ANKRD31: variants seen among roughly 807,000 people sequenced by gnomAD.
The protein encoded by ANKRD31 is ankyrin repeat domain-containing protein 31.
Under a neutral mutation model 186.0 loss-of-function variants are expected in ANKRD31, and 147 were observed. The observed-to-expected ratio is 0.79, with a 90% CI of 0.69 to 0.91. ANKRD31 has a LOEUF of 0.91. Ranked by LOEUF, ANKRD31 falls within the 40% of genes least tolerant of loss-of-function variation. The pLI is 0.00. For missense variants in ANKRD31, 1,986 were observed against 2,148.8 expected, an observed-to-expected ratio of 0.92 and a Z score of 1.50; for synonymous variants, 673 against 736.4, an observed-to-expected ratio of 0.91 and a Z score of 1.39.
chr5:75,110,477 C>T (rs945540257), intron 20 of ANKRD31, among the ~76,000 whole-genome samples: 4 of 151,690 alleles, frequency 2.6e-5, no homozygotes, highest in East Asian at 1.9e-4. Flanking sequence ...TTTGGGAGGT[C>T]GAGGTGGGCC....
rs147474044 is a variant in ANKRD31 at position 75,150,629 on chromosome 5, C to T, written c.1853-2001G>A. Among the ~76,000 whole-genome samples, 207 of 152,012 alleles carry T rather than the reference C, an allele frequency of 1.4e-3. 4 individuals carry two copies. The East Asian group carries it at 0.02, about 14-fold the overall frequency. ...TGGAGAAATGTTTGGGATTCCTTTA[C>T]ATGAAAGAAATTTCATTGGGTAGGA... On this transcript the variant is annotated intron_variant, in intron 12 of 25. Transcript: ENST00000506364.
rs370130482 is a variant in ANKRD31, at chr5:75,097,073, G to T, written c.5332-5672C>A. Reference sequence around the variant, plus strand: ...CCAGTCTATCATTGATGGACATTTGGGTTAGTTCCAAGTCTTTGCTATTGT... The same window carrying T: ...CCAGTCTATCATTGATGGACATTTGTGTTAGTTCCAAGTCTTTGCTATTGT... On this transcript the variant is annotated intron_variant, in intron 22 of 25. Transcript: ENST00000506364. Among the ~76,000 whole-genome samples, 11 of 152,164 alleles carry T rather than the reference G, an allele frequency of 7.2e-5. No homozygotes were observed. The East Asian group carries it at 2.1e-3, about 29-fold the overall frequency.
At chr5:75,197,626 A>ATATTTCTT (rs1308238401) in intron 6 of ANKRD31, among the ~76,000 whole-genome samples, 3 of 152,212 alleles carry the variant, frequency 2.0e-5, no homozygotes, top group African/African-American at 7.2e-5. Context: ...CAAGAAATTC[A>ATATTTCTT]AGAACCAGAT....
chr5:75,199,519 G>C, intron 6 of ANKRD31, 112 bp downstream of exon 6: 1 of 662,058 alleles, frequency 1.5e-6, no homozygotes, highest in Non-Finnish European at 2.3e-6. Context: ...TACCGAAATG[G>C]TTTAGTAGAT....
intron 2 of ANKRD31, among the ~76,000 whole-genome samples, chr5:75,227,642 A>G (rs1037221466): frequency 3.9e-5 from 6 of 152,190 alleles, no homozygotes; most frequent in African/African-American, 1.4e-4. Flanking sequence ...TCTCAACTAG[A>G]AAACAATTTC....
chr5:75,200,073 G>T (rs985297883), intron 5 of ANKRD31, among the ~76,000 whole-genome samples: 2 of 152,014 alleles, frequency 1.3e-5, no homozygotes, highest in Non-Finnish European at 2.9e-5. Flanking sequence ...TCTGGAGTTA[G>T]GCATGAAAAG....
chr5:75,123,806 T>C (rs35428074), intron 17 of ANKRD31, among the ~76,000 whole-genome samples: 6,255 of 152,112 alleles, frequency 0.041, 228 homozygotes, highest in Non-Finnish European at 0.061. Flanking sequence ...AGACTTAAAT[T>C]TGTGATCTGA....
At chr5:75,233,360 A>G (rs1466598286) in intron 1 of ANKRD31, among the ~76,000 whole-genome samples, 2 of 151,806 alleles carry the variant, frequency 1.3e-5, no homozygotes, top group Admixed American at 1.3e-4. Context: ...ACCATGCCCA[A>G]CCAGGTTTTG....
At chr5:75,208,706 C>T (rs980677197) in intron 4 of ANKRD31, among the ~76,000 whole-genome samples, 3 of 152,190 alleles carry the variant, frequency 2.0e-5, no homozygotes, top group African/African-American at 7.2e-5. Flanking sequence ...CTAAGACAAC[C>T]TTTGTTCAGA....
At position 75,068,598 on chromosome 5, in the gene ANKRD31, C is replaced by T. The variant is rs746219814; in HGVS notation, c.5714G>A (p.Ser1905Asn). The T allele has an allele frequency of 1.4e-4, 213 of 1,525,060 alleles. No homozygotes were observed. Among genetic ancestry groups the T allele is most frequent in the Non-Finnish European group, 1.8e-4 (204 of 1,141,844 alleles). 94.5% of individuals were successfully genotyped at this position (1,525,060 alleles called of 1,614,324 possible). A position where few individuals can be genotyped will look rare whatever the true frequency, so the allele number is the denominator to read the frequency against. Reference protein sequence around the residue: ...YLQINEILLISDQEFLPCHIM... With the variant: ...YLQINEILLINDQEFLPCHIM... ...GTGGCATGGGAGAAATTCTTGATCA[C>T]TGATTAATAGTATTTCATTTATTTG... Residue 1905 changes from serine to asparagine, a missense_variant, in exon 26 of 26, where the codon AGT becomes AAT. Physicochemically the swap from Ser to Asn is conservative, Grantham distance 46. Coordinates refer to ENST00000506364, the MANE Select transcript of ANKRD31 (RefSeq NM_001372053.1).
chr5:75,078,694 A>C (rs1744850761), intron 25 of ANKRD31, among the ~76,000 whole-genome samples: 1 of 152,234 alleles, frequency 6.6e-6, no homozygotes, highest in African/African-American at 2.4e-5. Context: ...TCTTAACAGA[A>C]TTAAAAAAGA....
intron 5 of ANKRD31, among the ~76,000 whole-genome samples, chr5:75,205,894 C>T (rs912260796): frequency 6.6e-6 from 1 of 151,990 alleles, no homozygotes; most frequent in African/African-American, 2.4e-5. Context: ...GCCTGTGTGA[C>T]TGCCAGTCAA....
At chr5:75,122,909 A>C (rs1209059628) in intron 17 of ANKRD31, among the ~76,000 whole-genome samples, 1 of 152,160 alleles carries the variant, frequency 6.6e-6, no homozygotes, top group Non-Finnish European at 1.5e-5. Flanking sequence ...ACTCCTGTTC[A>C]ACTTAGTACT....
At chr5:75,132,253 G>T (rs1396749999) in intron 17 of ANKRD31, among the ~76,000 whole-genome samples, 6 of 152,126 alleles carry the variant, frequency 3.9e-5, no homozygotes, top group African/African-American at 1.4e-4. Flanking sequence ...TCATCGCAAA[G>T]AACCTAAAAA....
Position 75,211,621 on chromosome 5 carries a change from G to T in ANKRD31, c.289-756C>A, listed in dbSNP as rs145874551. Reference sequence around the variant, plus strand: ...TTACATTTCCATCTGCTATGTACAAGGGTTCCAATTTCTCTACATTCTTGC... The same window carrying T: ...TTACATTTCCATCTGCTATGTACAATGGTTCCAATTTCTCTACATTCTTGC... On this transcript the variant is annotated intron_variant, in intron 3 of 25. Coordinates refer to ENST00000506364, the MANE Select transcript of ANKRD31 (RefSeq NM_001372053.1). Among the ~76,000 whole-genome samples, 22 of 152,226 alleles carry T rather than the reference G, an allele frequency of 1.4e-4. No homozygotes were observed. In the East Asian group the frequency reaches 4.2e-3, roughly 29 times the overall value.
chr5:75,206,338 G>A lies in ANKRD31; in HGVS notation c.403+73C>T, dbSNP rs1174588175. The A allele has an allele frequency of 1.9e-4, 92 of 472,036 alleles. 1 individual carries two copies. Among genetic ancestry groups the A allele is most frequent in the African/African-American group, 1.8e-3 (78 of 43,518 alleles). 29.2% of individuals were successfully genotyped at this position (472,036 alleles called of 1,614,324 possible). ...TTGACCAGCCTAGTTGTAAATAAAT[G>A]TATATCTAACTAAGTCTTCTATTTT... On this transcript the variant is annotated intron_variant, in intron 5 of 25. Transcript: ENST00000506364.
intron 10 of ANKRD31, among the ~76,000 whole-genome samples, chr5:75,183,636 A>C (rs1354649063): frequency 1.3e-5 from 2 of 152,114 alleles, no homozygotes; most frequent in East Asian, 3.8e-4. Context: ...ACAGAAAAAG[A>C]ATTCAAGAAA....
At chr5:75,192,823 A>G in intron 8 of ANKRD31, 47 bp from the exon 9 acceptor site, 1 of 1,339,930 alleles carries the variant, frequency 7.5e-7, no homozygotes, top group South Asian at 1.3e-5. Flanking sequence ...GTTTTTGCAA[A>G]CATTCACAGA....
chr5:75,193,214 T>C, intron 8 of ANKRD31, 97 bp downstream of exon 8: 3 of 1,296,614 alleles, frequency 2.3e-6, no homozygotes, highest in Non-Finnish European at 3.1e-6. Context: ...CTCTTTCCCC[T>C]GTGTTAACTG....
Sources: allele counts gnomAD v4.1 joint callset (sites outside exome capture counted in the v4.1 genomes callset), GRCh38; gene constraint gnomAD v4.1.1; transcripts MANE v1.5; gene names NCBI Gene and HGNC (gene_info 2026-07-23, HGNC 2026-07-21).